The following FAM47B variants were observed in gnomAD, a reference collection of about 807,000 sequenced individuals.
The protein encoded by FAM47B is protein FAM47B.
For synonymous variants in FAM47B, 247 were observed against 215.8 expected (o/e 1.14, Z -1.27); for missense variants, 581 against 550.1 (o/e 1.06, Z -0.56).
rs767622465 is a variant in FAM47B, at chrX:34,943,522, C to T, written c.691C>T (p.Arg231Trp). The change falls in exon 1 of 1, where the codon CGG becomes TGG. Residue 231 changes from arginine (R) to tryptophan (W), a missense_variant. Arg to Trp is a moderately radical substitution (Grantham distance 101, BLOSUM62 -3). Coordinates refer to ENST00000329357, the MANE Select transcript of FAM47B (RefSeq NM_152631.3). ...SSLRPEPPKT[R>W]VSSLHPEPPE... ...TCTCCGCCCAGAGCCTCCCAAGACT[C>T]GGGTGTCCAGTCTCCACCCGGAACC... is the stretch of plus-strand genomic sequence containing the variant. 7.5e-6 allele frequency: 9 copies of T among 1,207,252 alleles called. No individual in the cohort carries two copies. The highest frequency in any genetic ancestry group is 1.0e-5 in the Non-Finnish European group (9 of 894,410).
chrX:34,944,796 G>A lies in FAM47B; in HGVS notation c.*27G>A. The A allele has an allele frequency of 8.9e-7, 1 of 1,126,114 alleles. No individual in the cohort carries two copies. Among genetic ancestry groups the A allele is most frequent in the Non-Finnish European group, 1.2e-6 (1 of 853,042 alleles). The allele number at this position is 1,126,114 out of a possible 1,213,427, so 92.8% of individuals were successfully genotyped here. On this transcript the variant is annotated 3_prime_UTR_variant, in exon 1 of 1. Transcript: ENST00000329357. ...TGGTTTTCAATTTACTGCTTAATTG[G>A]GTATTTCTTGCTCTCATTCTAAACA...
At position 34,943,667 on chromosome X, in the gene FAM47B, G is replaced by C; in HGVS notation, c.836G>C (p.Gly279Ala). 3.3e-6 allele frequency: 4 copies of C among 1,206,714 alleles called. No individual in the cohort carries two copies. Among genetic ancestry groups the C allele is most frequent in the Non-Finnish European group, 4.5e-6 (4 of 894,021 alleles). Reference sequence around the variant, plus strand: ...GTCCACCCAGAGCCTCCTGATACTGGAGCGTCCCATCTCTGCCCGGAGCCT... The same window carrying C: ...GTCCACCCAGAGCCTCCTGATACTGCAGCGTCCCATCTCTGCCCGGAGCCT... ...SSVHPEPPDT[G>A]ASHLCPEPPE... The change falls in exon 1 of 1, where the codon GGA becomes GCA. Residue 279 changes from glycine to alanine, a missense_variant. Gly to Ala is a moderately conservative substitution (Grantham distance 60). Coordinates refer to ENST00000329357, the MANE Select transcript of FAM47B (RefSeq NM_152631.3).
rs4999833 is a variant in FAM47B, at chrX:34,943,147, G to A, written c.316G>A (p.Glu106Lys). 1.5e-5 allele frequency: 18 copies of A among 1,210,017 alleles called. No individual in the cohort carries two copies. Among genetic ancestry groups the A allele is most frequent in the Middle Eastern group, 2.3e-4 (1 of 4,372 alleles). ...KLLKKAALFS[E>K]LSPVQPARKA... is the part of the protein sequence containing the mutation. ...GCTCAAGAAAGCGGCCCTATTTTCC[G>A]AGCTCTCGCCAGTACAGCCAGCACG... The change falls in exon 1 of 1, where the codon GAG (glutamate) becomes AAG (lysine). Residue 106 changes from glutamate (E) to lysine (K), a missense_variant. Physicochemically the swap from Glu to Lys is moderately conservative, Grantham distance 56 (BLOSUM62 1). Transcript: ENST00000329357.
Position 34,943,367 on chromosome X carries a change from C to A in FAM47B, c.536C>A (p.Ser179Tyr). The A allele has an allele frequency of 8.3e-7, 1 of 1,211,220 alleles. No individual in the cohort carries two copies. The highest frequency in any genetic ancestry group is 2.3e-4 in the Middle Eastern group (1 of 4,350). ...REKTTEVPTE[S>Y]GKYPCGESCP... Reference sequence around the variant, plus strand: ...AAGACAACCGAGGTACCCACCGAGTCTGGTAAATATCCCTGTGGGGAATCC... The same window carrying A: ...AAGACAACCGAGGTACCCACCGAGTATGGTAAATATCCCTGTGGGGAATCC... The change falls in exon 1 of 1, where the codon TCT becomes TAT. Residue 179 changes from serine to tyrosine, a missense_variant. Physicochemically the swap from Ser to Tyr is moderately radical, Grantham distance 144. Coordinates refer to ENST00000329357, the MANE Select transcript of FAM47B (RefSeq NM_152631.3).
chrX:34,943,137 C>T lies in FAM47B; in HGVS notation c.306C>T (p.Ala102=), dbSNP rs1926802468. Residue 102 remains alanine (A), a synonymous_variant, in exon 1 of 1, where the codon GCC becomes GCT. Coordinates refer to ENST00000329357, the MANE Select transcript of FAM47B (RefSeq NM_152631.3). ...SRKKKLLKKA[A]LFSELSPVQP... is the part of the protein sequence containing the mutation. ...AGAAAAAGCTGCTCAAGAAAGCGGC[C>T]CTATTTTCCGAGCTCTCGCCAGTAC... 1 of 1,210,034 alleles carries T rather than the reference C, an allele frequency of 8.3e-7. No individual in the cohort carries two copies. Among genetic ancestry groups the T allele is most frequent in the Non-Finnish European group, 1.1e-6 (1 of 895,225 alleles).
chrX:34,943,048 C>T lies in FAM47B; in HGVS notation c.217C>T (p.Arg73Cys). ...TCCTGAAGATACGCTTGTTTGTCGC[C>T]GTGACGAGTTTTTACTCCCCAAAAT... ...QSPEDTLVCR[R>C]DEFLLPKISL... Residue 73 changes from arginine to cysteine, a missense_variant, in exon 1 of 1, where the codon CGT (arginine) becomes TGT (cysteine). Physicochemically the swap from Arg to Cys is radical, Grantham distance 180. Transcript: ENST00000329357. 3 of 1,211,974 alleles carry T rather than the reference C, an allele frequency of 2.5e-6. No homozygotes were observed. Among genetic ancestry groups the T allele is most frequent in the Non-Finnish European group, 2.2e-6 (2 of 895,563 alleles).
rs749071026 is a variant in FAM47B at position 34,943,918 on chromosome X, C to T, written c.1087C>T (p.Arg363Cys). ...GAAGAAGCTGGAAGACGCACGGGCT[C>T]GTTGTGAGGGCCAGGAGATGACAAC... ...SEKKLEDARARCEGQEMTTEE... is the reference protein window; with the variant it reads ...SEKKLEDARACCEGQEMTTEE... Residue 363 changes from arginine (R) to cysteine (C), a missense_variant, in exon 1 of 1, where the codon CGT becomes TGT. Arg to Cys is a radical substitution (Grantham distance 180). Coordinates refer to ENST00000329357, the MANE Select transcript of FAM47B (RefSeq NM_152631.3). The T allele has an allele frequency of 4.4e-5, 53 of 1,208,906 alleles. No individual in the cohort carries two copies. Among genetic ancestry groups the T allele is most frequent in the Admixed American group, 8.8e-5 (4 of 45,616 alleles).
chrX:34,943,671 G>A lies in FAM47B; in HGVS notation c.840G>A (p.Ala280=), dbSNP rs372840274. The change falls in exon 1 of 1, where the codon GCG becomes GCA. Residue 280 remains alanine (A), a synonymous_variant. Coordinates refer to ENST00000329357, the MANE Select transcript of FAM47B (RefSeq NM_152631.3). ...ACCCAGAGCCTCCTGATACTGGAGC[G>A]TCCCATCTCTGCCCGGAGCCTCCCG... ...SVHPEPPDTG[A]SHLCPEPPET... is the part of the protein sequence containing the mutation. 68 of 1,204,284 alleles carry A rather than the reference G, an allele frequency of 5.6e-5. No homozygotes were observed. The African/African-American group carries it at 1.1e-3, about 19-fold the overall frequency.
At position 34,944,603 on chromosome X, in the gene FAM47B, C is replaced by T. The variant is rs746103223; in HGVS notation, c.1772C>T (p.Ala591Val). ...CTTGACGGTCTTTATGGACCAATTG[C>T]CTTTAAGGATTTCATTCTAAGCAAG... ...DILDGLYGPI[A>V]FKDFILSKGY... Residue 591 changes from alanine (A) to valine (V), a missense_variant, in exon 1 of 1, where the codon GCC becomes GTC. Transcript: ENST00000329357. 1.7e-6 allele frequency: 2 copies of T among 1,208,706 alleles called. No homozygotes were observed. Among genetic ancestry groups the T allele is most frequent in the Admixed American group, 2.2e-5 (1 of 45,552 alleles).
rs1250962939 is a variant in FAM47B at position 34,942,944 on chromosome X, T to C, written c.113T>C (p.Leu38Pro). ...KYFAKRKHRR[L>P]RFPPVDTQNW... ...TTCGCGAAGCGCAAGCACAGGCGCC[T>C]GAGGTTCCCGCCTGTGGACACCCAG... The change falls in exon 1 of 1, where the codon CTG (leucine) becomes CCG (proline). Residue 38 changes from leucine to proline, a missense_variant. By Grantham distance (98) the Leu-to-Pro change is moderately conservative. Transcript: ENST00000329357. The C allele has an allele frequency of 1.7e-6, 2 of 1,211,966 alleles. No individual in the cohort carries two copies. The highest frequency in any genetic ancestry group is 2.2e-5 in the Admixed American group (1 of 46,116).
At position 34,944,697 on chromosome X, in the gene FAM47B, G is replaced by T; in HGVS notation, c.1866G>T (p.Lys622Asn). ...AGGGATGGACTTACGACTCTGTTAA[G>T]ACTCCTATTCAACGTGCAGTGCAAG... ...AKKGWTYDSVKTPIQRAVQVY... is the reference protein window; with the variant it reads ...AKKGWTYDSVNTPIQRAVQVY... The change falls in exon 1 of 1, where the codon AAG becomes AAT. Residue 622 changes from lysine (K) to asparagine (N), a missense_variant. Physicochemically the swap from Lys to Asn is moderately conservative, Grantham distance 94. Coordinates refer to ENST00000329357, the MANE Select transcript of FAM47B (RefSeq NM_152631.3). 8.3e-7 allele frequency: 1 copy of T among 1,205,646 alleles called. No individual in the cohort carries two copies. Among genetic ancestry groups the T allele is most frequent in the Non-Finnish European group, 1.1e-6 (1 of 892,015 alleles).
Position 34,944,491 on chromosome X carries a change from G to C in FAM47B, c.1660G>C (p.Glu554Gln), listed in dbSNP as rs745553529. The C allele has an allele frequency of 1.7e-6, 2 of 1,209,853 alleles. No homozygotes were observed. Among genetic ancestry groups the C allele is most frequent in the South Asian group, 1.8e-5 (1 of 56,801 alleles). Residue 554 changes from glutamate (E) to glutamine (Q), a missense_variant, in exon 1 of 1, where the codon GAG (glutamate) becomes CAG (glutamine). Glu to Gln is a conservative substitution (Grantham distance 29, BLOSUM62 2). Coordinates refer to ENST00000329357, the MANE Select transcript of FAM47B (RefSeq NM_152631.3). ...GRIRYGPWYF[E>Q]PKLGKKLRSD... ...GATAAGGTATGGACCATGGTACTTCGAGCCTAAGTTGGGGAAAAAGCTAAG... is the reference window on the plus strand; with the variant it reads ...GATAAGGTATGGACCATGGTACTTCCAGCCTAAGTTGGGGAAAAAGCTAAG...
At position 34,942,896 on chromosome X, in the gene FAM47B, G is replaced by A; in HGVS notation, c.65G>A (p.Cys22Tyr). Reference protein sequence around the residue: ...SQGMDSKPWYCDKPPSKYFAK... With the variant: ...SQGMDSKPWYYDKPPSKYFAK... ...GGCATGGACTCCAAGCCCTGGTACT[G>A]TGACAAACCGCCTTCCAAGTACTTC... is the stretch of plus-strand genomic sequence containing the variant. Residue 22 changes from cysteine to tyrosine, a missense_variant, in exon 1 of 1, where the codon TGT (cysteine) becomes TAT (tyrosine). By Grantham distance (194) the Cys-to-Tyr change is radical (BLOSUM62 -2). Coordinates refer to ENST00000329357, the MANE Select transcript of FAM47B (RefSeq NM_152631.3). 1 of 1,212,067 alleles carries A rather than the reference G, an allele frequency of 8.3e-7. No homozygotes were observed. The highest frequency in any genetic ancestry group is 1.1e-6 in the Non-Finnish European group (1 of 895,494).
rs1293163775 is a variant in FAM47B, at chrX:34,944,133, T to C, written c.1302T>C (p.His434=). Residue 434 remains histidine (H), a synonymous_variant, in exon 1 of 1, where the codon CAT becomes CAC. Coordinates refer to ENST00000329357, the MANE Select transcript of FAM47B (RefSeq NM_152631.3). ...CPEPTKTGAS[H]LKELFQEDTP... ...AGCCTACCAAGACCGGAGCGTCCCA[T>C]CTAAAAGAACTGTTTCAGGAAGATA... 3 of 1,209,437 alleles carry C rather than the reference T, an allele frequency of 2.5e-6. No homozygotes were observed. Among genetic ancestry groups the C allele is most frequent in the Non-Finnish European group, 3.4e-6 (3 of 895,234 alleles).
chrX:34,943,518 G>T lies in FAM47B; in HGVS notation c.687G>T (p.Lys229Asn). The part of the protein sequence containing the change: ...RVSSLRPEPP[K>N]TRVSSLHPEP... ...CCAGTCTCCGCCCAGAGCCTCCCAA[G>T]ACTCGGGTGTCCAGTCTCCACCCGG... Residue 229 changes from lysine to asparagine, a missense_variant, in exon 1 of 1, where the codon AAG becomes AAT. Physicochemically the swap from Lys to Asn is moderately conservative, Grantham distance 94 (BLOSUM62 0). Coordinates refer to ENST00000329357, the MANE Select transcript of FAM47B (RefSeq NM_152631.3). 5.8e-6 allele frequency: 7 copies of T among 1,210,420 alleles called. No homozygotes were observed. Among genetic ancestry groups the T allele is most frequent in the Non-Finnish European group, 7.8e-6 (7 of 895,176 alleles).
rs749655129 is a variant in FAM47B at position 34,944,157 on chromosome X, T to C, written c.1326T>C (p.Asp442=). 12 of 1,211,564 alleles carry C rather than the reference T, an allele frequency of 9.9e-6. No homozygotes were observed. Among genetic ancestry groups the C allele is most frequent in the Non-Finnish European group, 1.3e-5 (12 of 895,549 alleles). The change falls in exon 1 of 1, where the codon GAT becomes GAC. Residue 442 remains aspartate, a synonymous_variant. Coordinates refer to ENST00000329357, the MANE Select transcript of FAM47B (RefSeq NM_152631.3). The stretch of plus-strand genomic sequence containing the variant: ...ATCTAAAAGAACTGTTTCAGGAAGA[T>C]ACACCAAGCACAATGGAGTGTGTTT... ...ASHLKELFQE[D]TPSTMECVSD... is the part of the protein sequence containing the mutation.
rs779541248 is a variant in FAM47B at position 34,943,565 on chromosome X, C to A, written c.734C>A (p.Ser245Tyr). The change falls in exon 1 of 1, where the codon TCT becomes TAT. Residue 245 changes from serine (S) to tyrosine (Y), a missense_variant. Transcript: ENST00000329357. The part of the protein sequence containing the change: ...LHPEPPETRA[S>Y]HLRVDPPETG... The stretch of plus-strand genomic sequence containing the variant: ...CCGGAACCTCCAGAGACTCGCGCAT[C>A]TCATCTCCGCGTGGATCCTCCCGAG... The A allele has an allele frequency of 8.3e-7, 1 of 1,210,362 alleles. No individual in the cohort carries two copies. Among genetic ancestry groups the A allele is most frequent in the Non-Finnish European group, 1.1e-6 (1 of 895,125 alleles).
Position 34,943,297 on chromosome X carries a change from G to T in FAM47B, c.466G>T (p.Glu156Ter). Residue 156 changes from glutamate to a stop codon, truncating the protein, a stop_gained, in exon 1 of 1, where the codon GAG (glutamate) becomes TAG (stop). Transcript: ENST00000329357. LOFTEE classifies it low-confidence loss of function (END_TRUNC). ...LLQVLKQLDP[E>*]RKLEDAWARC... ...ACAGGTGCTGAAACAGCTGGATCCCGAGAGGAAGCTGGAGGACGCTTGGGC... is the reference window on the plus strand; with the variant it reads ...ACAGGTGCTGAAACAGCTGGATCCCTAGAGGAAGCTGGAGGACGCTTGGGC... The T allele has an allele frequency of 8.3e-6, 10 of 1,211,417 alleles. No individual in the cohort carries two copies. The highest frequency in any genetic ancestry group is 1.1e-5 in the Non-Finnish European group (10 of 895,387).
At position 34,942,930 on chromosome X, in the gene FAM47B, C is replaced by A; in HGVS notation, c.99C>A (p.Arg33=). 1 of 1,212,201 alleles carries A rather than the reference C, an allele frequency of 8.2e-7. No individual in the cohort carries two copies. Among genetic ancestry groups the A allele is most frequent in the Non-Finnish European group, 1.1e-6 (1 of 895,553 alleles). Residue 33 remains arginine (R), a synonymous_variant, in exon 1 of 1, where the codon CGC becomes CGA. Coordinates refer to ENST00000329357, the MANE Select transcript of FAM47B (RefSeq NM_152631.3). ...CGCCTTCCAAGTACTTCGCGAAGCG[C>A]AAGCACAGGCGCCTGAGGTTCCCGC... The part of the protein sequence containing the change: ...DKPPSKYFAK[R]KHRRLRFPPV...
Sources: gnomAD v4.1 joint callset for allele counts on GRCh38, gnomAD v4.1.1 for gene constraint, MANE v1.5 for transcripts, NCBI Gene and HGNC (gene_info 2026-07-23, HGNC 2026-07-21) for gene names.